Variants in CDK5 observed in about 807,000 individuals in gnomAD.
CDK5 encodes cyclin-dependent kinase 5.
Under a neutral mutation model 44.6 loss-of-function variants are expected in CDK5, and 18 were observed. The observed-to-expected ratio is 0.40, with a 90% CI of 0.28 to 0.60. CDK5 has a LOEUF of 0.60. CDK5 is among the 20% of genes least tolerant of loss of function. CDK5 has a pLI of 0.38. For synonymous variants in CDK5, 143 were observed against 152.8 expected (o/e 0.94, Z 0.47); for missense variants, 198 against 368.1 (o/e 0.54, Z 3.78).
Position 151,054,045 on chromosome 7 carries a change from C to G in CDK5, c.843G>C (p.Leu281=), listed in dbSNP as rs11541602. 6.2e-7 allele frequency: 1 copy of G among 1,601,440 alleles called. No individual in the cohort carries two copies. Residue 281 remains leucine (L), a synonymous_variant, in exon 12 of 12, where the codon CTG becomes CTC. Transcript: ENST00000485972. This position sits in a 1 kb window ranked among gnomAD's most constrained non-coding sequence, Gnocchi z 5.7. ...PVQRISAEEA[L]QHPYFSDFCP... is the part of the protein sequence containing the mutation. ...AGAAGTCGGAGAAGTAGGGGTGCTG[C>G]AGGGCCTCTTCTGCTGAGATACGCT...
rs534137476 is a variant in CDK5 at position 151,056,540 on chromosome 7, G to A, written c.312+40C>T. On this transcript the variant is annotated intron_variant, in intron 5 of 11. Coordinates refer to ENST00000485972, the MANE Select transcript of CDK5 (RefSeq NM_004935.4). The surrounding 1 kb of genome is among the most constrained non-coding windows in gnomAD (Gnocchi z 4.7). ...GGTGCTTACACCGAATGCAGACTCC[G>A]ACCCCAGCCTGAGGGGTCCCCCAAC... The A allele has an allele frequency of 1.9e-6, 3 of 1,588,792 alleles. No homozygotes were observed. Among genetic ancestry groups the A allele is most frequent in the Admixed American group, 3.4e-5 (2 of 58,900 alleles).
In CDK5 at chr7:151,056,397, G is replaced by A; in HGVS notation, c.312+183C>T. On this transcript the variant is annotated intron_variant, in intron 5 of 11. Transcript: ENST00000485972. This position sits in a 1 kb window ranked among gnomAD's most constrained non-coding sequence, Gnocchi z 4.7. ...TCAGAATGACACTGTGCGGGTCAAA[G>A]ATGACCACGTGAAAATGCTCACTAA... is the stretch of plus-strand genomic sequence containing the variant. 1 of 617,318 alleles carries A rather than the reference G, an allele frequency of 1.6e-6. No individual in the cohort carries two copies. The allele number at this position is 617,318 out of a possible 1,614,324, so 38.2% of individuals were successfully genotyped here. A position where few individuals can be genotyped will look rare whatever the true frequency, so the allele number is the denominator to read the frequency against.
Position 151,056,879 on chromosome 7 carries a change from C to A in CDK5, c.194+29G>T, listed in dbSNP as rs561605555. On this transcript the variant is annotated intron_variant, in intron 3 of 11. Coordinates refer to ENST00000485972, the MANE Select transcript of CDK5 (RefSeq NM_004935.4). This position sits in a 1 kb window ranked among gnomAD's most constrained non-coding sequence, Gnocchi z 4.7. ...CCCCCGCCTCCCCCAAGCGGCCACACCGGCAAGGAGCACCCGCCTCCCGCA... is the reference window on the plus strand; with the variant it reads ...CCCCCGCCTCCCCCAAGCGGCCACAACGGCAAGGAGCACCCGCCTCCCGCA... 15 of 1,596,978 alleles carry A rather than the reference C, an allele frequency of 9.4e-6. No individual in the cohort carries two copies. The African/African-American group carries it at 2.0e-4, about 21-fold the overall frequency.
Position 151,056,079 on chromosome 7 carries a change from C to CA in CDK5, c.313-232dup, listed in dbSNP as rs1357042828. 1.4e-5 allele frequency: 8 copies of CA among 574,498 alleles called. No homozygotes were observed. The highest frequency in any genetic ancestry group is 1.1e-4 in the East Asian group (4 of 35,516). The allele number at this position is 574,498 out of a possible 1,614,324, so 35.6% of individuals were successfully genotyped here. A position where few individuals can be genotyped will look rare whatever the true frequency, so the allele number is the denominator to read the frequency against. ...CTGGTCCCCACCTTCCTGGACCATA[C>CA]AGCCTAATGGGCCTTGGCAGGTGGA... On this transcript the variant is annotated intron_variant, in intron 5 of 11. Coordinates refer to ENST00000485972, the MANE Select transcript of CDK5 (RefSeq NM_004935.4). The surrounding 1 kb of genome is among the most constrained non-coding windows in gnomAD (Gnocchi z 4.7).
Position 151,054,934 on chromosome 7 carries a change from T to G in CDK5, c.650+93A>C. 7.8e-7 allele frequency: 1 copy of G among 1,274,954 alleles called. No individual in the cohort carries two copies. The highest frequency in any genetic ancestry group is 1.1e-6 in the Non-Finnish European group (1 of 883,898). The allele number at this position is 1,274,954 out of a possible 1,614,324, so 79.0% of individuals were successfully genotyped here. A position where few individuals can be genotyped will look rare whatever the true frequency, so the allele number is the denominator to read the frequency against. ...AGAAGCCCTACAGACCCCATCACCCTACCCCACACCATCACTGCCCTCACC... is the reference window on the plus strand; with the variant it reads ...AGAAGCCCTACAGACCCCATCACCCGACCCCACACCATCACTGCCCTCACC... On this transcript the variant is annotated intron_variant, in intron 9 of 11. Transcript: ENST00000485972. This position sits in a 1 kb window ranked among gnomAD's most constrained non-coding sequence, Gnocchi z 5.7.
At position 151,054,970 on chromosome 7, in the gene CDK5, A is replaced by T. The variant is rs1796865745; in HGVS notation, c.650+57T>A. On this transcript the variant is annotated intron_variant, in intron 9 of 11. Coordinates refer to ENST00000485972, the MANE Select transcript of CDK5 (RefSeq NM_004935.4). This position sits in a 1 kb window ranked among gnomAD's most constrained non-coding sequence, Gnocchi z 5.7. ...ATCACTGCCCTCACCCATTGTGCTC[A>T]AAACTCCATGGACTCTCCCCTCCCA... 6.3e-7 allele frequency: 1 copy of T among 1,576,020 alleles called. No homozygotes were observed. The highest frequency in any genetic ancestry group is 1.3e-5 in the African/African-American group (1 of 74,284).
rs1563329762 is a variant in CDK5 at position 151,056,924 on chromosome 7, G to A, written c.178C>T (p.His60Tyr). 1 of 1,612,626 alleles carries A rather than the reference G, an allele frequency of 6.2e-7. No homozygotes were observed. ...CCCGCACACCTGACGATGTTCTTGTGCTTCAGCTCCTTGAGTAGGCAGATC... is the reference window on the plus strand; with the variant it reads ...CCCGCACACCTGACGATGTTCTTGTACTTCAGCTCCTTGAGTAGGCAGATC... Reference protein sequence around the residue: ...REICLLKELKHKNIVRLHDVL... With the variant: ...REICLLKELKYKNIVRLHDVL... The change falls in exon 3 of 12, where the codon CAC becomes TAC. Residue 60 changes from histidine to tyrosine, a missense_variant. His to Tyr is a moderately conservative substitution (Grantham distance 83, BLOSUM62 2). Transcript: ENST00000485972. This position sits in a 1 kb window ranked among gnomAD's most constrained non-coding sequence, Gnocchi z 4.7.
In CDK5 at chr7:151,055,072, A is replaced by G; in HGVS notation, c.605T>C (p.Leu202Pro). The change falls in exon 9 of 12, where the codon CTT becomes CCT. Residue 202 changes from leucine (L) to proline (P), a missense_variant. By Grantham distance (98) the Leu-to-Pro change is moderately conservative (BLOSUM62 -3). Coordinates refer to ENST00000485972, the MANE Select transcript of CDK5 (RefSeq NM_004935.4). ...FAELANAGRPLFPGNDVDDQL... is the reference protein window; with the variant it reads ...FAELANAGRPPFPGNDVDDQL... Reference sequence around the variant, plus strand: ...GTCATCGACATCATTGCCGGGAAAAAGAGGCCGCCCAGCATTGGCCAGCTC... The same window carrying G: ...GTCATCGACATCATTGCCGGGAAAAGGAGGCCGCCCAGCATTGGCCAGCTC... 1 of 1,613,568 alleles carries G rather than the reference A, an allele frequency of 6.2e-7. No individual in the cohort carries two copies. Among genetic ancestry groups the G allele is most frequent in the Admixed American group, 1.7e-5 (1 of 59,992 alleles).
Position 151,056,490 on chromosome 7 carries a change from C to A in CDK5, c.312+90G>T. ...TCTAACACCCTAGAGTGTCCCTGTT[C>A]AGGGCCCAAACTTAGAGCCCAAGGG... On this transcript the variant is annotated intron_variant, in intron 5 of 11. Coordinates refer to ENST00000485972, the MANE Select transcript of CDK5 (RefSeq NM_004935.4). The surrounding 1 kb of genome is among the most constrained non-coding windows in gnomAD (Gnocchi z 4.7). 3.4e-6 allele frequency: 4 copies of A among 1,163,804 alleles called. No homozygotes were observed. The highest frequency in any genetic ancestry group is 5.1e-6 in the Non-Finnish European group (4 of 788,500). The allele number at this position is 1,163,804 out of a possible 1,614,324, so 72.1% of individuals were successfully genotyped here.
At position 151,056,999 on chromosome 7, in the gene CDK5, G is replaced by A. The variant is rs757350446; in HGVS notation, c.127-24C>T. The stretch of plus-strand genomic sequence containing the variant: ...CCCTGCATATGTGAGGGGGCCGGTG[G>A]GCAGCAGTCAGATCCCACCCAGCCC... On this transcript the variant is annotated intron_variant, in intron 2 of 11. Coordinates refer to ENST00000485972, the MANE Select transcript of CDK5 (RefSeq NM_004935.4). The surrounding 1 kb of genome is among the most constrained non-coding windows in gnomAD (Gnocchi z 4.7). 2 of 1,613,852 alleles carry A rather than the reference G, an allele frequency of 1.2e-6. No homozygotes were observed. Among genetic ancestry groups the A allele is most frequent in the Admixed American group, 3.3e-5 (2 of 60,024 alleles).
At chr7:151,055,681 G>A (rs1324824427) in intron 6 of CDK5, 72 bp downstream of exon 6, 3 of 1,537,642 alleles carry the variant, frequency 2.0e-6, no homozygotes, top group Non-Finnish European at 2.7e-6. Context: ...CATCCTCCCA[G>A]TCCTCTTCCC....
Position 151,055,592 on chromosome 7 carries a change from T to C in CDK5, c.423A>G (p.Lys141=), listed in dbSNP as rs1436291543. The change falls in exon 7 of 12, where the codon AAA becomes AAG. Residue 141 remains lysine, a synonymous_variant. Transcript: ENST00000485972. The part of the protein sequence containing the change: ...NLLINRNGEL[K]LADFGLARAF... ...CTCGAGCCAGGCCAAAATCAGCCAA[T>C]TTCAGCTCCCCATTCTGAAGGGAAT... The C allele has an allele frequency of 6.2e-7, 1 of 1,613,614 alleles. No homozygotes were observed. The highest frequency in any genetic ancestry group is 8.5e-7 in the Non-Finnish European group (1 of 1,179,812).
chr7:151,057,304 T>C lies in CDK5; in HGVS notation c.38-144A>G, dbSNP rs1796919231. The C allele has an allele frequency of 1.4e-6, 1 of 734,358 alleles. No homozygotes were observed. The allele number at this position is 734,358 out of a possible 1,614,324, so 45.5% of individuals were successfully genotyped here. ...AAGGTAGGTTGGTGAGCTTTGTGAGTGAGGATGTGGCAGGTGGGGAGGGAG... is the reference window on the plus strand; with the variant it reads ...AAGGTAGGTTGGTGAGCTTTGTGAGCGAGGATGTGGCAGGTGGGGAGGGAG... On this transcript the variant is annotated intron_variant, in intron 1 of 11. Transcript: ENST00000485972. The surrounding 1 kb of genome is among the most constrained non-coding windows in gnomAD (Gnocchi z 5.2).
In CDK5 at chr7:151,056,866, C is replaced by T. The variant is rs755933600; in HGVS notation, c.194+42G>A. 3 of 1,594,372 alleles carry T rather than the reference C, an allele frequency of 1.9e-6. No homozygotes were observed. Among genetic ancestry groups the T allele is most frequent in the African/African-American group, 1.3e-5 (1 of 74,484 alleles). ...CGTCCAGTGTCAGCCCCCGCCTCCCCCAAGCGGCCACACCGGCAAGGAGCA... is the reference window on the plus strand; with the variant it reads ...CGTCCAGTGTCAGCCCCCGCCTCCCTCAAGCGGCCACACCGGCAAGGAGCA... On this transcript the variant is annotated intron_variant, in intron 3 of 11. Transcript: ENST00000485972. This position sits in a 1 kb window ranked among gnomAD's most constrained non-coding sequence, Gnocchi z 4.7.
At position 151,055,011 on chromosome 7, in the gene CDK5, A is replaced by C; in HGVS notation, c.650+16T>G. On this transcript the variant is annotated intron_variant, in intron 9 of 11. Transcript: ENST00000485972. Reference sequence around the variant, plus strand: ...TCCCCTCCCAGAGGGCTCAAGGCAGAGGAAAGCAAGGATATCGGAAGATCC... The same window carrying C: ...TCCCCTCCCAGAGGGCTCAAGGCAGCGGAAAGCAAGGATATCGGAAGATCC... The C allele has an allele frequency of 6.2e-7, 1 of 1,613,390 alleles. No homozygotes were observed. Among genetic ancestry groups the C allele is most frequent in the Non-Finnish European group, 8.5e-7 (1 of 1,179,456 alleles).
Position 151,056,552 on chromosome 7 carries a change from A to AG in CDK5, c.312+27dup. On this transcript the variant is annotated intron_variant, in intron 5 of 11. Coordinates refer to ENST00000485972, the MANE Select transcript of CDK5 (RefSeq NM_004935.4). This position sits in a 1 kb window ranked among gnomAD's most constrained non-coding sequence, Gnocchi z 4.7. Reference sequence around the variant, plus strand: ...GAATGCAGACTCCGACCCCAGCCTGAGGGGTCCCCCAACACCACTCTCCTC... The same window carrying AG: ...GAATGCAGACTCCGACCCCAGCCTGAGGGGGTCCCCCAACACCACTCTCCTC... 6.2e-7 allele frequency: 1 copy of AG among 1,601,484 alleles called. No homozygotes were observed. The highest frequency in any genetic ancestry group is 8.5e-7 in the Non-Finnish European group (1 of 1,171,400).
chr7:151,057,455 G>C lies in CDK5; in HGVS notation c.38-295C>G. 1.7e-6 allele frequency: 1 copy of C among 589,548 alleles called. No individual in the cohort carries two copies. Among genetic ancestry groups the C allele is most frequent in the Non-Finnish European group, 3.0e-6 (1 of 331,200 alleles). The allele number at this position is 589,548 out of a possible 1,614,324, so 36.5% of individuals were successfully genotyped here. On this transcript the variant is annotated intron_variant, in intron 1 of 11. Coordinates refer to ENST00000485972, the MANE Select transcript of CDK5 (RefSeq NM_004935.4). This position sits in a 1 kb window ranked among gnomAD's most constrained non-coding sequence, Gnocchi z 5.2. Reference sequence around the variant, plus strand: ...GGAAATAGTGAGGAGGGGTCTGGGAGAGGACTGAGGGGCTGCAGAAATATT... The same window carrying C: ...GGAAATAGTGAGGAGGGGTCTGGGACAGGACTGAGGGGCTGCAGAAATATT...
At position 151,057,307 on chromosome 7, in the gene CDK5, G is replaced by C; in HGVS notation, c.38-147C>G. The C allele has an allele frequency of 1.4e-6, 1 of 721,692 alleles. No individual in the cohort carries two copies. The allele number at this position is 721,692 out of a possible 1,614,324, so 44.7% of individuals were successfully genotyped here. ...GTAGGTTGGTGAGCTTTGTGAGTGA[G>C]GATGTGGCAGGTGGGGAGGGAGGAG... On this transcript the variant is annotated intron_variant, in intron 1 of 11. Coordinates refer to ENST00000485972, the MANE Select transcript of CDK5 (RefSeq NM_004935.4). This position sits in a 1 kb window ranked among gnomAD's most constrained non-coding sequence, Gnocchi z 5.2.
intron 8 of CDK5, 43 bp downstream of exon 8, chr7:151,055,234 C>G (rs1013042813): frequency 1.3e-6 from 2 of 1,588,802 alleles, no homozygotes; most frequent in African/African-American, 2.7e-5. Context: ...TTTGTCAACT[C>G]AAATGGGAAA....
Sources: allele counts gnomAD v4.1 joint callset, GRCh38; gene constraint gnomAD v4.1.1; non-coding constraint Gnocchi (gnomAD v3.1); transcripts MANE v1.5; gene names NCBI Gene and HGNC (gene_info 2026-07-23, HGNC 2026-07-21).